FHIP2B: variants seen among roughly 807,000 people sequenced by gnomAD.
FHIP2B encodes the protein FHF complex subunit HOOK interacting protein 2B.
A neutral mutation model predicts 84.0 loss-of-function variants in FHIP2B; 72 were observed. The ratio of observed to expected loss-of-function variants is 0.86; its 90% CI spans 0.71 to 1.04. The LOEUF (loss-of-function observed/expected upper bound fraction) is 1.04. FHIP2B is among the 50% of genes least tolerant of loss of function. FHIP2B has a pLI of 0.00. For missense variants in FHIP2B, 972 were observed against 968.9 expected (o/e 1.00, Z -0.04); for synonymous variants, 497 against 418.7 (o/e 1.19, Z -2.28).
rs1024288103 is a variant in FHIP2B at position 22,089,305 on chromosome 8, C to A, written c.45+7C>A. On this transcript the variant is annotated splice_region_variant and intron_variant, in intron 1 of 16. Transcript: ENST00000289921. ...GCAGGAAGCCGTGGGGGCGGTGAGG[C>A]CGGCAGGGCCGGGCCGGGCCGCCGG... 2 of 1,020,340 alleles carry A rather than the reference C, an allele frequency of 2.0e-6. No individual in the cohort carries two copies. Among genetic ancestry groups the A allele is most frequent in the Non-Finnish European group, 2.3e-6 (2 of 854,446 alleles). 63.2% of individuals were successfully genotyped at this position (1,020,340 alleles called of 1,614,324 possible).
chr8:22,096,027 C>G (rs1239822119), intron 2 of FHIP2B: 3 of 230,918 alleles, frequency 1.3e-5, no homozygotes, highest in East Asian at 2.0e-4. Flanking sequence ...TTCTGTGGGC[C>G]CAGGACCATG....
At chr8:22,096,254 G>C (rs184333286) in intron 2 of FHIP2B, 83 bp from the exon 3 acceptor site, 2 of 1,369,118 alleles carry the variant, frequency 1.5e-6, no homozygotes, top group Admixed American at 2.7e-5. Context: ...TCCCCTTTCT[G>C]GGCTTTGGCA....
rs776419111 is a variant in FHIP2B at position 22,098,546 on chromosome 8, T to C, written c.892T>C (p.Cys298Arg). The C allele has an allele frequency of 1.2e-6, 2 of 1,612,256 alleles. No homozygotes were observed. The highest frequency in any genetic ancestry group is 3.3e-5 in the Admixed American group (2 of 59,852). The change falls in exon 7 of 17, where the codon TGC becomes CGC. Residue 298 changes from cysteine to arginine, a missense_variant. Cys to Arg is a radical substitution (Grantham distance 180). Coordinates refer to ENST00000289921, the MANE Select transcript of FHIP2B (RefSeq NM_022749.7). Reference protein sequence around the residue: ...ACCPAIVRHLCQLYRSMPVFL... With the variant: ...ACCPAIVRHLRQLYRSMPVFL... ...CTGCCCTGCGATCGTCCGGCACCTT[T>C]GCCAGTTGTACCGGTCCATGCCTGT...
rs767406750 is a variant in FHIP2B, at chr8:22,097,604, T to C, written c.386T>C (p.Val129Ala). Residue 129 changes from valine to alanine, a missense_variant, in exon 4 of 17, where the codon GTC (valine) becomes GCC (alanine). By Grantham distance (64) the Val-to-Ala change is moderately conservative. Transcript: ENST00000289921. ...CACCCCCTGCTGCATTACCTCAGCG[T>C]CCACAGGCCTGTGCAGGTGAGGGGC... The part of the protein sequence containing the change: ...VQHPLLHYLS[V>A]HRPVQKLLRL... The C allele has an allele frequency of 6.2e-7, 1 of 1,608,202 alleles. No individual in the cohort carries two copies. Among genetic ancestry groups the C allele is most frequent in the Non-Finnish European group, 8.5e-7 (1 of 1,177,658 alleles).
chr8:22,098,637 G>A lies in FHIP2B; in HGVS notation c.965+18G>A. 6.5e-7 allele frequency: 1 copy of A among 1,529,196 alleles called. No homozygotes were observed. The highest frequency in any genetic ancestry group is 1.2e-5 in the South Asian group (1 of 82,218). The allele number at this position is 1,529,196 out of a possible 1,614,324, so 94.7% of individuals were successfully genotyped here. On this transcript the variant is annotated intron_variant, in intron 7 of 16. Transcript: ENST00000289921. ...AGCTGGAGGTGGGTGCCCAGCCCGGGAAGGCCGGCCAGCATCTTCAGTTGC... is the reference window on the plus strand; with the variant it reads ...AGCTGGAGGTGGGTGCCCAGCCCGGAAAGGCCGGCCAGCATCTTCAGTTGC...
chr8:22,100,509 T>G, intron 10 of FHIP2B, 85 bp from the exon 11 acceptor site: 3 of 1,396,984 alleles, frequency 2.1e-6, no homozygotes, highest in South Asian at 1.7e-5. Context: ...TCAGAGGTCT[T>G]TTCTTATCTG....
chr8:22,099,848 C>T lies in FHIP2B; in HGVS notation c.1296C>T (p.Thr432=), dbSNP rs138517422. ...QPEAPGDNPH[T]LYAHLIGHCD... is the part of the protein sequence containing the mutation. ...AAGCCCCCGGGGACAACCCCCACAC[C>T]CTGTATGCTCATCTCATCGGGCATT... The change falls in exon 10 of 17, where the codon ACC becomes ACT. Residue 432 remains threonine (T), a synonymous_variant. Coordinates refer to ENST00000289921, the MANE Select transcript of FHIP2B (RefSeq NM_022749.7). 4.1e-4 allele frequency: 656 copies of T among 1,612,992 alleles called. 6 individuals carry two copies. In the East Asian group the frequency reaches 0.013, roughly 31 times the overall value.
At position 22,098,408 on chromosome 8, in the gene FHIP2B, A is replaced by C; in HGVS notation, c.769-15A>C. ...CTCACATGCATGTCCCTGAAGTTGT[A>C]TCCTCATCCCCTAGAAGAGTCGGGT... On this transcript the variant is annotated splice_polypyrimidine_tract_variant and intron_variant, in intron 6 of 16. Transcript: ENST00000289921. 6.4e-7 allele frequency: 1 copy of C among 1,573,904 alleles called. No individual in the cohort carries two copies. Among genetic ancestry groups the C allele is most frequent in the South Asian group, 1.2e-5 (1 of 85,864 alleles).
intron 1 of FHIP2B, among the ~76,000 whole-genome samples, chr8:22,090,173 GA>G (rs1483770072): frequency 2.0e-5 from 3 of 149,764 alleles, no homozygotes; most frequent in African/African-American, 7.4e-5. Context: ...GCCCGCTGTT[GA>G]AAGTAACTCT....
chr8:22,098,059 T>G lies in FHIP2B; in HGVS notation c.526-9T>G, dbSNP rs577309670. 2.5e-6 allele frequency: 4 copies of G among 1,586,782 alleles called. No individual in the cohort carries two copies. In the East Asian group the frequency reaches 6.9e-5, roughly 27 times the overall value. On this transcript the variant is annotated splice_polypyrimidine_tract_variant and intron_variant, in intron 5 of 16. Transcript: ENST00000289921. ...CACCAGGTCTGGCCTCATCTCACCC[T>G]CTTTTCAGGGTAAAAAGATTGTAGG...
chr8:22,097,645 T>C, intron 4 of FHIP2B, 25 bp downstream of exon 4: 2 of 1,601,658 alleles, frequency 1.2e-6, no homozygotes, highest in Non-Finnish European at 1.7e-6. Context: ...AGCCAAGGGG[T>C]GTCTGGGTGT....
rs781375678 is a variant in FHIP2B, at chr8:22,098,533, C to G, written c.879C>G (p.Ile293Met). 19 of 1,612,798 alleles carry G rather than the reference C, an allele frequency of 1.2e-5. No individual in the cohort carries two copies. In the Admixed American group the frequency reaches 1.3e-4, roughly 11 times the overall value. ...AGAGCAGCGCCTGCTGCCCTGCGAT[C>G]GTCCGGCACCTTTGCCAGTTGTACC... ...LVQSSACCPAIVRHLCQLYRS... is the reference protein window; with the variant it reads ...LVQSSACCPAMVRHLCQLYRS... Residue 293 changes from isoleucine to methionine, a missense_variant, in exon 7 of 17, where the codon ATC becomes ATG. By Grantham distance (10) the Ile-to-Met change is conservative. Transcript: ENST00000289921.
chr8:22,092,882 C>A (rs1825568410), intron 1 of FHIP2B, among the ~76,000 whole-genome samples: 1 of 152,318 alleles, frequency 6.6e-6, no homozygotes, highest in Admixed American at 6.5e-5. Flanking sequence ...TCTCCTGCGG[C>A]CTCACACTAC....
At chr8:22,094,846 G>A in intron 2 of FHIP2B, 4 of 1,177,044 alleles carry the variant, frequency 3.4e-6, no homozygotes, top group Non-Finnish European at 4.2e-6. Flanking sequence ...CAGACCTTCA[G>A]GCCCCAGGTG....
Position 22,096,499 on chromosome 8 carries a change from G to C in FHIP2B, c.287G>C (p.Gly96Ala). 6.5e-7 allele frequency: 1 copy of C among 1,538,828 alleles called. No homozygotes were observed. Among genetic ancestry groups the C allele is most frequent in the Non-Finnish European group, 8.8e-7 (1 of 1,139,186 alleles). The change falls in exon 3 of 17, where the codon GGC becomes GCC. Residue 96 changes from glycine (G) to alanine (A), a missense_variant. Gly to Ala is a moderately conservative substitution (Grantham distance 60). Coordinates refer to ENST00000289921, the MANE Select transcript of FHIP2B (RefSeq NM_022749.7). ...ATCCTGGAGACTCTCTGCACGCTGG[G>C]CAAGGCCGAGGTGGGAGGCCCTCTG... ...HKILETLCTL[G>A]KAEYPPGMRQ...
intron 3 of FHIP2B, chr8:22,097,107 G>A (rs1334056416): frequency 1.7e-5 from 4 of 238,062 alleles, no homozygotes; most frequent in Non-Finnish European, 2.5e-5. Context: ...TCCTGTGATG[G>A]GTCAATAATG....
intron 5 of FHIP2B, 110 bp from the exon 6 acceptor site, chr8:22,097,958 C>T (rs1825872171): frequency 1.3e-6 from 2 of 1,541,824 alleles, no homozygotes; most frequent in Admixed American, 1.9e-5. Flanking sequence ...CAGGCAGCTT[C>T]CCCTCCAGCT....
chr8:22,093,492 C>T (rs867057316), intron 1 of FHIP2B, among the ~76,000 whole-genome samples: 1 of 152,042 alleles, frequency 6.6e-6, no homozygotes, highest in African/African-American at 2.4e-5. Context: ...TAGAAGGAGC[C>T]GGTAGAGGAG....
Position 22,100,279 on chromosome 8 carries a change from A to ATTTCC in FHIP2B, c.1342-315_1342-314insTTTCC, listed in dbSNP as rs750259346. On this transcript the variant is annotated intron_variant, in intron 10 of 16. Coordinates refer to ENST00000289921, the MANE Select transcript of FHIP2B (RefSeq NM_022749.7). ...TATTTTGCACACTTGGCTCGCTGGA[A>ATTTCC]GGCTAACACGTACTACTTCGTGAGG... 8.2e-4 allele frequency: 315 copies of ATTTCC among 385,736 alleles called. 2 individuals carry two copies. Among genetic ancestry groups the ATTTCC allele is most frequent in the Middle Eastern group, 5.3e-3 (8 of 1,512 alleles). 23.9% of individuals were successfully genotyped at this position (385,736 alleles called of 1,614,324 possible).
Sources: gnomAD v4.1 joint callset for allele counts (sites outside exome capture counted in the v4.1 genomes callset) on GRCh38, gnomAD v4.1.1 for gene constraint, MANE v1.5 for transcripts, NCBI Gene and HGNC (gene_info 2026-07-23, HGNC 2026-07-21) for gene names.